Variants in KANSL1L observed in about 807,000 individuals in gnomAD.
KANSL1L encodes KAT8 regulatory NSL complex subunit 1-like protein.
Under a neutral mutation model 108.6 loss-of-function variants are expected in KANSL1L, and 25 were observed. The ratio of observed to expected loss-of-function variants is 0.23; its 90% CI spans 0.17 to 0.32. KANSL1L has a LOEUF of 0.32. KANSL1L is among the 10% of genes least tolerant of loss of function. The probability of loss-of-function intolerance (pLI) is 1.00; values close to 1 mark genes in which losing one functional copy is unlikely to be tolerated. For missense variants in KANSL1L, 1,137 were observed against 1,125.7 expected, an observed-to-expected ratio of 1.01 and a Z score of -0.14; for synonymous variants, 405 against 395.1, an observed-to-expected ratio of 1.03 and a Z score of -0.30.
chr2:210,051,743 T>C (rs2094294324), intron 6 of KANSL1L, among the ~76,000 whole-genome samples: 1 of 152,252 alleles, frequency 6.6e-6, no homozygotes, highest in Admixed American at 6.5e-5. Context: ...CTTCGAAGCT[T>C]TAACATCTTA....
intron 6 of KANSL1L, among the ~76,000 whole-genome samples, chr2:210,065,732 C>T (rs184828236): frequency 7.5e-4 from 114 of 151,974 alleles, no homozygotes; most frequent in African/African-American, 2.5e-3. Flanking sequence ...ATTACAGATG[C>T]GCACCACCAC....
intron 2 of KANSL1L, among the ~76,000 whole-genome samples, chr2:210,132,842 T>C (rs576849586): frequency 2.0e-5 from 3 of 152,086 alleles, no homozygotes; most frequent in East Asian, 1.9e-4. Context: ...AAGTCTTCTC[T>C]CCTCCTTGAT....
intron 5 of KANSL1L, among the ~76,000 whole-genome samples, chr2:210,093,020 A>T (rs1357311844): frequency 6.6e-6 from 1 of 152,156 alleles, no homozygotes; most frequent in African/African-American, 2.4e-5. Flanking sequence ...TTTTACTTCC[A>T]ATGTACCTTT....
At position 210,022,748 on chromosome 2, in the gene KANSL1L, C is replaced by T; in HGVS notation, c.*201G>A. 2.6e-5 allele frequency: 14 copies of T among 541,752 alleles called. 1 individual carries two copies. The South Asian group carries it at 3.0e-4, about 12-fold the overall frequency. 33.6% of individuals were successfully genotyped at this position (541,752 alleles called of 1,614,324 possible). On this transcript the variant is annotated 3_prime_UTR_variant, in exon 15 of 15. Coordinates refer to ENST00000281772, the MANE Select transcript of KANSL1L (RefSeq NM_152519.4). Reference sequence around the variant, plus strand: ...TTGCATGATAAACACAAATGACTACCACTTGTCTGTAGATGAAAATCTGGT... The same window carrying T: ...TTGCATGATAAACACAAATGACTACTACTTGTCTGTAGATGAAAATCTGGT...
intron 5 of KANSL1L, among the ~76,000 whole-genome samples, chr2:210,082,462 A>C (rs941622808): frequency 1.3e-5 from 2 of 152,198 alleles, no homozygotes; most frequent in Admixed American, 1.3e-4. Flanking sequence ...ATATCCTCAA[A>C]AGCCAGGAAT....
At chr2:210,117,988 A>T (rs541333185) in intron 3 of KANSL1L, among the ~76,000 whole-genome samples, 136 of 151,540 alleles carry the variant, frequency 9.0e-4, no homozygotes, top group Middle Eastern at 6.9e-3. Context: ...ACATGGAGAA[A>T]CCCCGTCTCT....
At chr2:210,162,773 C>T (rs985447970) in intron 1 of KANSL1L, among the ~76,000 whole-genome samples, 9 of 152,078 alleles carry the variant, frequency 5.9e-5, no homozygotes, top group Non-Finnish European at 1.3e-4. Context: ...AAGATACCAA[C>T]GTGTTTAGAA....
chr2:210,115,087 A>G (rs1163848613), intron 3 of KANSL1L, among the ~76,000 whole-genome samples: 1 of 152,118 alleles, frequency 6.6e-6, no homozygotes, highest in East Asian at 1.9e-4. Context: ...AAGTAAGTCT[A>G]TCCTTTTTAG....
intron 5 of KANSL1L, among the ~76,000 whole-genome samples, chr2:210,078,111 G>T (rs2094555312): frequency 6.6e-6 from 1 of 152,162 alleles, no homozygotes; most frequent in Non-Finnish European, 1.5e-5. Flanking sequence ...TGTAAAACAT[G>T]TTACCATACT....
intron 3 of KANSL1L, among the ~76,000 whole-genome samples, chr2:210,127,910 G>GA (rs2095083911): frequency 7.3e-6 from 1 of 137,218 alleles, no homozygotes; most frequent in Non-Finnish European, 1.6e-5. Context: ...AACGCAACAA[G>GA]AAAAAAACAA....
chr2:210,028,645 TTAA>T (rs1397109650), intron 11 of KANSL1L, 197 bp downstream of exon 11: 2 of 444,844 alleles, frequency 4.5e-6, no homozygotes, highest in East Asian at 4.0e-5. Flanking sequence ...TTCCTAAATC[TTAA>T]TAAAAACTGA....
In KANSL1L at chr2:210,139,285, C is replaced by T. The variant is rs1044195874; in HGVS notation, c.1089-10113G>A. ...TCCTCCTAACTGACATCCATACCTA[C>T]ACACACTACATTTTCCTTATCCATT... is the stretch of plus-strand genomic sequence containing the variant. On this transcript the variant is annotated intron_variant, in intron 2 of 14. Transcript: ENST00000281772. 5.3e-5 allele frequency among the ~76,000 whole-genome samples: 8 copies of T among 152,182 alleles called. No homozygotes were observed. The East Asian group carries it at 1.5e-3, about 29-fold the overall frequency.
At chr2:210,062,351 C>G (rs1367656576) in intron 6 of KANSL1L, among the ~76,000 whole-genome samples, 1 of 152,192 alleles carries the variant, frequency 6.6e-6, no homozygotes, top group Non-Finnish European at 1.5e-5. Flanking sequence ...TTTTTCCTCC[C>G]AGTCTCGGGT....
At chr2:210,024,712 T>G (rs1198038658) in intron 13 of KANSL1L, among the ~76,000 whole-genome samples, 2 of 152,182 alleles carry the variant, frequency 1.3e-5, no homozygotes, top group South Asian at 2.1e-4. Context: ...GAGAAATTTT[T>G]TATTTTTTTA....
In KANSL1L at chr2:210,154,381, A is replaced by G; in HGVS notation, c.202T>C (p.Phe68Leu). The change falls in exon 2 of 15, where the codon TTT becomes CTT. Residue 68 changes from phenylalanine to leucine, a missense_variant. Phe to Leu is a conservative substitution (Grantham distance 22, BLOSUM62 0). This residue lies in a region of KANSL1L where 556 missense variants were observed against 537.7 expected (regional missense o/e 1.03). Transcript: ENST00000281772. ...LNTNFVNLKH[F>L]GSPQSSKHYQ... ...TGTTTTGAAGACTGAGGGGAGCCAAAATGTTTTAAATTCACAAAATTAGTA... is the reference window on the plus strand; with the variant it reads ...TGTTTTGAAGACTGAGGGGAGCCAAGATGTTTTAAATTCACAAAATTAGTA... 6.2e-7 allele frequency: 1 copy of G among 1,610,302 alleles called. No homozygotes were observed. Among genetic ancestry groups the G allele is most frequent in the Non-Finnish European group, 8.5e-7 (1 of 1,178,476 alleles).
chr2:210,161,145 T>C (rs936917217), intron 1 of KANSL1L, among the ~76,000 whole-genome samples: 2 of 152,092 alleles, frequency 1.3e-5, no homozygotes, highest in Non-Finnish European at 1.5e-5. Context: ...CCCGCCATCA[T>C]GCCCGGCTAA....
intron 8 of KANSL1L, among the ~76,000 whole-genome samples, chr2:210,039,083 A>C (rs188937635): frequency 1.3e-4 from 19 of 151,998 alleles, no homozygotes; most frequent in African/African-American, 4.1e-4. Context: ...TGTTTTAGTG[A>C]TTATAACTTC....
At chr2:210,143,536 C>T (rs2095244865) in intron 2 of KANSL1L, among the ~76,000 whole-genome samples, 1 of 152,060 alleles carries the variant, frequency 6.6e-6, no homozygotes, top group Non-Finnish European at 1.5e-5. Flanking sequence ...TCCTTTGTTC[C>T]TTTCTTCCTC....
At chr2:210,153,366 T>C in intron 2 of KANSL1L, 129 bp downstream of exon 2, 2 of 596,722 alleles carry the variant, frequency 3.4e-6, no homozygotes, top group East Asian at 3.4e-5. Context: ...AAATAAAAAT[T>C]AAAAAAAAAA....
Sources: gnomAD v4.1 joint callset for allele counts (sites outside exome capture counted in the v4.1 genomes callset) on GRCh38, gnomAD v4.1.1 for gene constraint, gnomAD v4.1.1 regional missense constraint, MANE v1.5 for transcripts, NCBI Gene and HGNC (gene_info 2026-07-23, HGNC 2026-07-21) for gene names.